PTPRC: variants seen among roughly 807,000 people sequenced by gnomAD.
PTPRC encodes protein tyrosine phosphatase receptor type C, also known as receptor-type tyrosine-protein phosphatase C.
Under a neutral mutation model 155.9 loss-of-function variants are expected in PTPRC, and 44 were observed. The ratio of observed to expected loss-of-function variants is 0.28; its 90% CI spans 0.22 to 0.36. The LOEUF is 0.36. PTPRC is among the 10% of genes least tolerant of loss of function. The pLI is 1.00. For synonymous variants in PTPRC, 525 were observed against 533.1 expected, an observed-to-expected ratio of 0.98 and a Z score of 0.21; for missense variants, 1,401 against 1,564.6, an observed-to-expected ratio of 0.90 and a Z score of 1.76.
intron 5 of PTPRC, 151 bp downstream of exon 5, chr1:198,699,855 A>G: frequency 2.0e-6 from 2 of 976,240 alleles, no homozygotes; most frequent in African/African-American, 1.6e-5. Flanking sequence ...AGGAATATGA[A>G]ACCACAGAAC....
intron 12 of PTPRC, 47 bp downstream of exon 12, chr1:198,713,119 T>G: frequency 9.3e-6 from 15 of 1,611,430 alleles, no homozygotes; most frequent in Non-Finnish European, 1.3e-5. Flanking sequence ...AAATCAAGAA[T>G]TTGAAAGTAC....
At chr1:198,727,149 C>T (rs1654176264) in intron 15 of PTPRC, among the ~76,000 whole-genome samples, 1 of 152,120 alleles carries the variant, frequency 6.6e-6, no homozygotes, top group Non-Finnish European at 1.5e-5. Context: ...GGGTAAGCCA[C>T]TGCGCCTGTC....
chr1:198,680,989 G>C (rs1174526655), intron 2 of PTPRC, among the ~76,000 whole-genome samples: 1 of 152,046 alleles, frequency 6.6e-6, no homozygotes, highest in Non-Finnish European at 1.5e-5. Context: ...TATAAAACAA[G>C]AATAATAATG....
chr1:198,660,480 G>GTGTGTGTT (rs1243077488), intron 2 of PTPRC: 1 of 148,250 alleles, frequency 6.7e-6, no homozygotes, highest in East Asian at 1.9e-4. Flanking sequence ...CCAAATATAT[G>GTGTGTGTT]TGTGTGTGTG....
intron 20 of PTPRC, among the ~76,000 whole-genome samples, chr1:198,733,833 T>C (rs565267486): frequency 6.6e-6 from 1 of 151,868 alleles, no homozygotes; most frequent in African/African-American, 2.4e-5. Flanking sequence ...GGTGAGCTTG[T>C]TTAAATAGTG....
chr1:198,754,402 T>C lies in PTPRC; in HGVS notation c.3643T>C (p.Phe1215Leu), dbSNP rs759598627. Reference protein sequence around the residue: ...RKARPGMVSTFEQYQFLYDVI... With the variant: ...RKARPGMVSTLEQYQFLYDVI... ...AGCTAGGCCAGGCATGGTTTCCACATTCGTAAGTATCCTTCACCATTGCTT... is the reference window on the plus strand; with the variant it reads ...AGCTAGGCCAGGCATGGTTTCCACACTCGTAAGTATCCTTCACCATTGCTT... The change falls in exon 32 of 33, where the codon TTC becomes CTC. Residue 1215 changes from phenylalanine (F) to leucine (L), a missense_variant and splice_region_variant. This residue lies in a region of PTPRC where 400 missense variants were observed against 389.5 expected (regional missense o/e 1.03). Coordinates refer to ENST00000442510, the MANE Select transcript of PTPRC (RefSeq NM_002838.5). 2 of 1,613,428 alleles carry C rather than the reference T, an allele frequency of 1.2e-6. No individual in the cohort carries two copies. Among genetic ancestry groups the C allele is most frequent in the Non-Finnish European group, 1.7e-6 (2 of 1,179,650 alleles).
intron 26 of PTPRC, among the ~76,000 whole-genome samples, chr1:198,745,162 T>C (rs1655082911): frequency 6.6e-6 from 1 of 151,884 alleles, no homozygotes; most frequent in Admixed American, 6.6e-5. Context: ...TGAATGTTTA[T>C]TTACTATAGA....
At chr1:198,643,885 C>A (rs1208302404) in intron 2 of PTPRC, among the ~76,000 whole-genome samples, 6 of 151,828 alleles carry the variant, frequency 4.0e-5, no homozygotes, top group Non-Finnish European at 1.5e-5. Context: ...ATATGGTGCA[C>A]CCTAGGTGTT....
At chr1:198,704,906 A>T (rs1291461438) in intron 8 of PTPRC, among the ~76,000 whole-genome samples, 1 of 152,138 alleles carries the variant, frequency 6.6e-6, no homozygotes, top group Non-Finnish European at 1.5e-5. Context: ...TGGTAAAGCC[A>T]CTTAATTTAA....
intron 12 of PTPRC, among the ~76,000 whole-genome samples, chr1:198,716,398 C>T (rs527969010): frequency 1.1e-4 from 16 of 152,302 alleles, no homozygotes; most frequent in Admixed American, 3.9e-4. Context: ...CAAAAGAGAT[C>T]GTCTTCACAA....
At chr1:198,708,375 CCTCT>C (rs1187896768) in intron 10 of PTPRC, 114 bp downstream of exon 10, 4 of 1,030,272 alleles carry the variant, frequency 3.9e-6, no homozygotes, top group Non-Finnish European at 5.6e-6. Flanking sequence ...TCTTGTTCTC[CCTCT>C]GTTTGTCTTT....
chr1:198,650,547 T>C (rs1367802858), intron 2 of PTPRC, among the ~76,000 whole-genome samples: 3 of 151,706 alleles, frequency 2.0e-5, no homozygotes, highest in Non-Finnish European at 4.4e-5. Context: ...AAGAGCCAAA[T>C]TAGGGGGTCA....
chr1:198,714,231 C>T (rs1286619031), intron 12 of PTPRC, among the ~76,000 whole-genome samples: 1 of 151,740 alleles, frequency 6.6e-6, no homozygotes, highest in Non-Finnish European at 1.5e-5. Context: ...ATTCACTATC[C>T]CTTTCTGCAT....
chr1:198,722,681 G>T (rs1653950183), intron 15 of PTPRC, among the ~76,000 whole-genome samples: 1 of 151,292 alleles, frequency 6.6e-6, no homozygotes, highest in Non-Finnish European at 1.5e-5. Context: ...TTCAAGTTAG[G>T]AGATTCAATT....
At chr1:198,695,108 T>C (rs1042042068) in intron 3 of PTPRC, 18 of 906,562 alleles carry the variant, frequency 2.0e-5, no homozygotes, top group Non-Finnish European at 2.4e-5. Flanking sequence ...TTGAATTTTA[T>C]CTGTATTTAG....
chr1:198,643,609 G>T (rs1662766884), intron 2 of PTPRC, among the ~76,000 whole-genome samples: 1 of 151,876 alleles, frequency 6.6e-6, no homozygotes, highest in Non-Finnish European at 1.5e-5. Context: ...CGTCTGGAAA[G>T]AGCCTCCTGA....
intron 2 of PTPRC, among the ~76,000 whole-genome samples, chr1:198,677,020 T>C (rs1005150384): frequency 6.6e-6 from 1 of 152,220 alleles, no homozygotes; most frequent in African/African-American, 2.4e-5. Flanking sequence ...AAATTAGTTT[T>C]ATCTATAACT....
chr1:198,644,347 G>A (rs1557961629), intron 2 of PTPRC, among the ~76,000 whole-genome samples: 1 of 151,050 alleles, frequency 6.6e-6, no homozygotes, highest in Non-Finnish European at 1.5e-5. Context: ...TGATACACCA[G>A]AAAAAAAATA....
chr1:198,667,340 A>G (rs1030390129), intron 2 of PTPRC, among the ~76,000 whole-genome samples: 1 of 152,222 alleles, frequency 6.6e-6, no homozygotes, highest in African/African-American at 2.4e-5. Context: ...GGGATTATGA[A>G]TAGCTTTGGA....
Sources: gnomAD v4.1 joint callset for allele counts (sites outside exome capture counted in the v4.1 genomes callset) on GRCh38, gnomAD v4.1.1 for gene constraint, gnomAD v4.1.1 regional missense constraint, MANE v1.5 for transcripts, NCBI Gene and HGNC (gene_info 2026-07-23, HGNC 2026-07-21) for gene names.